Variants in SUGCT observed in about 807,000 individuals in gnomAD.
SUGCT encodes the protein succinyl-CoA:glutarate CoA-transferase.
In SUGCT, 41 loss-of-function variants were observed where a neutral mutation model predicts 55.0. The ratio of observed to expected loss-of-function variants is 0.74; its 90% CI spans 0.58 to 0.97. SUGCT has a LOEUF of 0.97. SUGCT is among the 50% of genes least tolerant of loss of function. The pLI, the probability that SUGCT is intolerant of heterozygous loss-of-function variation, is 0.00. For missense variants in SUGCT, 568 were observed against 547.8 expected (o/e 1.04, Z -0.37); for synonymous variants, 187 against 200.4 (o/e 0.93, Z 0.56).
At chr7:40,142,355 T>C (rs1038085987) in intron 1 of SUGCT, among the ~76,000 whole-genome samples, 1 of 152,238 alleles carries the variant, frequency 6.6e-6, no homozygotes, top group Admixed American at 6.5e-5. Flanking sequence ...TTCTGTCCTC[T>C]TGCATTTCCT....
chr7:40,739,361 G>A (rs1787344955), intron 12 of SUGCT, among the ~76,000 whole-genome samples: 1 of 152,126 alleles, frequency 6.6e-6, no homozygotes, highest in South Asian at 2.1e-4. Flanking sequence ...TAATCTTTTG[G>A]ATTGGTGTTT....
At chr7:40,639,805 G>A (rs575487490) in intron 12 of SUGCT, among the ~76,000 whole-genome samples, 17 of 152,032 alleles carry the variant, frequency 1.1e-4, no homozygotes, top group South Asian at 2.1e-4. Flanking sequence ...GAGCCACTGC[G>A]TCTGGCTTGC....
intron 13 of SUGCT, among the ~76,000 whole-genome samples, chr7:40,773,581 A>G (rs557406011): frequency 8.5e-5 from 13 of 152,334 alleles, no homozygotes; most frequent in African/African-American, 3.1e-4. Flanking sequence ...ATTTGCTTCA[A>G]ATGATGAGCA....
intron 9 of SUGCT, among the ~76,000 whole-genome samples, chr7:40,364,066 T>C (rs1173390374): frequency 6.6e-6 from 1 of 150,460 alleles, no homozygotes; most frequent in African/African-American, 2.4e-5. Flanking sequence ...TACCATTATG[T>C]AATGGCCTTC....
intron 6 of SUGCT, among the ~76,000 whole-genome samples, chr7:40,208,638 G>C (rs1350625620): frequency 6.6e-6 from 1 of 151,724 alleles, no homozygotes; most frequent in African/African-American, 2.4e-5. Flanking sequence ...TCCGCCTCCC[G>C]GGTTCAAGCA....
the SUGCT span, among the ~76,000 whole-genome samples, chr7:41,013,853 G>A: frequency 6.6e-6 from 1 of 151,282 alleles, no homozygotes; most frequent in Admixed American, 6.6e-5. Context: ...GGTCCAACAT[G>A]CAGATAACTG....
intron 13 of SUGCT, among the ~76,000 whole-genome samples, chr7:40,811,764 C>T (rs1791430792): frequency 6.6e-6 from 1 of 152,034 alleles, no homozygotes; most frequent in Non-Finnish European, 1.5e-5. Context: ...ATTTCTTTGT[C>T]TTGCCTGATT....
chr7:40,529,545 T>C (rs1793978080), intron 12 of SUGCT, among the ~76,000 whole-genome samples: 1 of 152,166 alleles, frequency 6.6e-6, no homozygotes, highest in South Asian at 2.1e-4. Context: ...GCTAGCAGAC[T>C]GCGCAGATCG....
chr7:40,716,588 G>C (rs1217567059), intron 12 of SUGCT, among the ~76,000 whole-genome samples: 3 of 152,046 alleles, frequency 2.0e-5, no homozygotes, highest in Non-Finnish European at 4.4e-5. Flanking sequence ...TATCACTAGG[G>C]TAATTGGCTA....
chr7:40,773,530 C>A (rs1789292787), intron 13 of SUGCT, among the ~76,000 whole-genome samples: 1 of 152,170 alleles, frequency 6.6e-6, no homozygotes, highest in African/African-American at 2.4e-5. Flanking sequence ...TCAAAAACAA[C>A]ATCAGCATAG....
rs539847124 is a variant in SUGCT, at chr7:40,602,019, C to T, written c.1089+105633C>T. Among the ~76,000 whole-genome samples the T allele has an allele frequency of 4.6e-5, 7 of 152,226 alleles. 1 individual carries two copies. In the South Asian group the frequency reaches 1.5e-3, roughly 32 times the overall value. ...TAGACATACTCTTTCAAGTTTTTAC[C>T]TTGGAGACCTCTTCATATAACAATA... On this transcript the variant is annotated intron_variant, in intron 12 of 13. Transcript: ENST00000335693.
At chr7:40,516,881 G>A (rs1014729290) in intron 12 of SUGCT, among the ~76,000 whole-genome samples, 11 of 151,966 alleles carry the variant, frequency 7.2e-5, no homozygotes, top group Non-Finnish European at 1.2e-4. Context: ...CTGGGATTTT[G>A]TTAGGAATTG....
intron 13 of SUGCT, among the ~76,000 whole-genome samples, chr7:40,837,176 C>A (rs962683592): frequency 6.6e-6 from 1 of 152,084 alleles, no homozygotes; most frequent in Admixed American, 6.5e-5. Context: ...TATTATAATT[C>A]CTGAATGGCT....
chr7:40,959,901 C>G, the SUGCT span, among the ~76,000 whole-genome samples: 3 of 152,136 alleles, frequency 2.0e-5, no homozygotes, highest in African/African-American at 7.2e-5. Flanking sequence ...GGCACAGTCC[C>G]TCACGGCTTC....
chr7:40,455,990 G>A (rs755191397), intron 10 of SUGCT, among the ~76,000 whole-genome samples: 3 of 151,984 alleles, frequency 2.0e-5, no homozygotes, highest in African/African-American at 7.2e-5. Flanking sequence ...AGGCCATATA[G>A]CTTTTAAGAA....
chr7:40,768,023 A>G (rs1033712518), intron 13 of SUGCT, among the ~76,000 whole-genome samples: 6 of 152,208 alleles, frequency 3.9e-5, no homozygotes, highest in African/African-American at 1.4e-4. Context: ...CTGAAGACAT[A>G]GTGAGGACTG....
chr7:40,313,974 T>G (rs1025411985), intron 8 of SUGCT, among the ~76,000 whole-genome samples: 1 of 152,212 alleles, frequency 6.6e-6, no homozygotes, highest in African/African-American at 2.4e-5. Flanking sequence ...TCTGAAATGC[T>G]TTTTGTTTTC....
intron 9 of SUGCT, among the ~76,000 whole-genome samples, chr7:40,445,368 A>C (rs1385956082): frequency 1.3e-5 from 2 of 152,182 alleles, no homozygotes; most frequent in Non-Finnish European, 2.9e-5. Flanking sequence ...TACTATAAAC[A>C]CCTGTATGCA....
chr7:40,321,030 G>A (rs906987235), intron 9 of SUGCT, among the ~76,000 whole-genome samples: 3 of 151,416 alleles, frequency 2.0e-5, no homozygotes, highest in Admixed American at 6.6e-5. Context: ...AGAACATGCA[G>A]CATTTGACTT....
Sources: allele counts gnomAD v4.1 joint callset (sites outside exome capture counted in the v4.1 genomes callset), GRCh38; gene constraint gnomAD v4.1.1; transcripts MANE v1.5; gene names NCBI Gene and HGNC (gene_info 2026-07-23, HGNC 2026-07-21).